The following ANKRD13B variants were observed in gnomAD, a reference collection of about 807,000 sequenced individuals.
ANKRD13B encodes the protein ankyrin repeat domain 13B.
A neutral mutation model predicts 74.4 loss-of-function variants in ANKRD13B; 33 were observed. The ratio of observed to expected loss-of-function variants is 0.44; its 90% CI spans 0.34 to 0.59. ANKRD13B has a LOEUF of 0.59. Among genes scored for constraint, ANKRD13B ranks in the 20% least tolerant of loss-of-function variants. The pLI is 0.02. For synonymous variants in ANKRD13B, 341 were observed against 362.9 expected, an observed-to-expected ratio of 0.94 and a Z score of 0.68; for missense variants, 676 against 877.9, an observed-to-expected ratio of 0.77 and a Z score of 2.91.
intron 1 of ANKRD13B, among the ~76,000 whole-genome samples, chr17:29,597,226 G>A (rs573739221): frequency 1.2e-4 from 18 of 152,318 alleles, no homozygotes; most frequent in African/African-American, 4.1e-4. Flanking sequence ...TTCTGCTCAT[G>A]CTAAAGGAGT....
At chr17:29,606,841 G>T (rs2034404074) in intron 1 of ANKRD13B, among the ~76,000 whole-genome samples, 1 of 151,642 alleles carries the variant, frequency 6.6e-6, no homozygotes, top group South Asian at 2.1e-4. Context: ...CTGAGGTCAG[G>T]AGTTCAAGAC....
rs780912450 is a variant in ANKRD13B, at chr17:29,612,362, G to A, written c.1259-40G>A. On this transcript the variant is annotated intron_variant, in intron 11 of 14. Coordinates refer to ENST00000394859, the MANE Select transcript of ANKRD13B (RefSeq NM_152345.5). The surrounding 1 kb of genome is among the most constrained non-coding windows in gnomAD (Gnocchi z 6.1). ...GGGTGGGGCTGAGGCTGAGGTGTGA[G>A]GGGCTGAGTGGTGGCGCCTAAAGGT... 12 of 1,611,678 alleles carry A rather than the reference G, an allele frequency of 7.4e-6. No individual in the cohort carries two copies. Among genetic ancestry groups the A allele is most frequent in the Non-Finnish European group, 9.3e-6 (11 of 1,178,216 alleles).
In ANKRD13B at chr17:29,607,966, C is replaced by T. The variant is rs776074565; in HGVS notation, c.251-20C>T. On this transcript the variant is annotated intron_variant, in intron 2 of 14. Coordinates refer to ENST00000394859, the MANE Select transcript of ANKRD13B (RefSeq NM_152345.5). ...TGGCTGAAGGGTCCTGCCCTGTGAC[C>T]TTGCCTCGCCCTCCCCCAGTGCTCC... 6.3e-7 allele frequency: 1 copy of T among 1,595,214 alleles called. No homozygotes were observed. The highest frequency in any genetic ancestry group is 8.5e-7 in the Non-Finnish European group (1 of 1,169,624).
intron 1 of ANKRD13B, among the ~76,000 whole-genome samples, chr17:29,599,865 G>GTT (rs35600194): frequency 0.18 from 8,895 of 50,546 alleles, 3,429 homozygotes; most frequent in Non-Finnish European, 0.21. Context: ...CATCTAATTT[G>GTT]TTTTTTTTTT....
In ANKRD13B at chr17:29,613,619, C is replaced by T. The variant is rs1354134461; in HGVS notation, c.*37C>T. The T allele has an allele frequency of 2.9e-6, 4 of 1,397,260 alleles. No individual in the cohort carries two copies. Among genetic ancestry groups the T allele is most frequent in the Non-Finnish European group, 3.7e-6 (4 of 1,076,224 alleles). 86.6% of individuals were successfully genotyped at this position (1,397,260 alleles called of 1,614,324 possible). A position where few individuals can be genotyped will look rare whatever the true frequency, so the allele number is the denominator to read the frequency against. On this transcript the variant is annotated 3_prime_UTR_variant, in exon 15 of 15. Coordinates refer to ENST00000394859, the MANE Select transcript of ANKRD13B (RefSeq NM_152345.5). ...GGGACCCTCGCCAGCGCCACGCGCG[C>T]CACGCCCAGGGCCAGGAGCCAGACA... is the stretch of plus-strand genomic sequence containing the variant.
At chr17:29,596,661 C>A (rs1000751389) in intron 1 of ANKRD13B, among the ~76,000 whole-genome samples, 1 of 152,212 alleles carries the variant, frequency 6.6e-6, no homozygotes, top group Non-Finnish European at 1.5e-5. Flanking sequence ...CGTTCTCCAC[C>A]GTGGGCTTGC....
At chr17:29,606,751 A>G (rs1033764288) in intron 1 of ANKRD13B, among the ~76,000 whole-genome samples, 204 of 150,814 alleles carry the variant, frequency 1.4e-3, no homozygotes, top group African/African-American at 4.8e-3. Context: ...AAAAAAAAAA[A>G]AAAAAAAAAT....
At chr17:29,598,532 C>T (rs1452392562) in intron 1 of ANKRD13B, among the ~76,000 whole-genome samples, 1 of 126,530 alleles carries the variant, frequency 7.9e-6, no homozygotes. Context: ...CCCTCCCTTT[C>T]TCTTTCTTTC....
In ANKRD13B at chr17:29,610,743, A is replaced by G. The variant is rs756604431; in HGVS notation, c.881A>G (p.Glu294Gly). 9 of 1,613,920 alleles carry G rather than the reference A, an allele frequency of 5.6e-6. No individual in the cohort carries two copies. The East Asian group carries it at 8.9e-5, about 16-fold the overall frequency. ...CGCACACGGACAGAACATCTTTCAG[A>G]ACAGCACAAGGGCAAGGTCAAAGGT... is the stretch of plus-strand genomic sequence containing the variant. ...ITRTRTEHLSEQHKGKVKGCK... is the reference protein window; with the variant it reads ...ITRTRTEHLSGQHKGKVKGCK... The change falls in exon 8 of 15, where the codon GAA becomes GGA. Residue 294 changes from glutamate (E) to glycine (G), a missense_variant. Physicochemically the swap from Glu to Gly is moderately conservative, Grantham distance 98. Coordinates refer to ENST00000394859, the MANE Select transcript of ANKRD13B (RefSeq NM_152345.5).
At chr17:29,598,087 C>T (rs753095723) in intron 1 of ANKRD13B, among the ~76,000 whole-genome samples, 6 of 152,134 alleles carry the variant, frequency 3.9e-5, no homozygotes, top group Non-Finnish European at 7.4e-5. Flanking sequence ...CTCCCGCTGC[C>T]GGGCTCAGGA....
chr17:29,606,788 C>G (rs2034400736), intron 1 of ANKRD13B, among the ~76,000 whole-genome samples: 2 of 148,476 alleles, frequency 1.3e-5, no homozygotes, highest in Non-Finnish European at 3.0e-5. Flanking sequence ...GCGGCTCACA[C>G]CTGTAATCCC....
At chr17:29,594,849 C>A (rs180720298) in intron 1 of ANKRD13B, among the ~76,000 whole-genome samples, 104 of 152,326 alleles carry the variant, frequency 6.8e-4, no homozygotes, top group African/African-American at 2.3e-3. Context: ...GCTGTGCAAT[C>A]GCCAAGGGAA....
intron 1 of ANKRD13B, among the ~76,000 whole-genome samples, chr17:29,595,913 A>C (rs2033937400): frequency 6.6e-6 from 1 of 152,084 alleles, no homozygotes; most frequent in African/African-American, 2.4e-5. Context: ...TTGTATCCAG[A>C]TGTACACTGC....
rs939079037 is a variant in ANKRD13B at position 29,593,479 on chromosome 17, C to T, written c.-143C>T. On this transcript the variant is annotated 5_prime_UTR_variant, in exon 1 of 15. Transcript: ENST00000394859. ...CGCACCGCGCCGGGCGCGCCGCCCC[C>T]GCCCGCCGCCGCTCGCACATGCCCG... The T allele has an allele frequency of 2.1e-5, 4 of 193,402 alleles. No individual in the cohort carries two copies. Among genetic ancestry groups the T allele is most frequent in the Admixed American group, 6.8e-5 (1 of 14,728 alleles). The allele number at this position is 193,402 out of a possible 1,614,324, so 12.0% of individuals were successfully genotyped here. A position where few individuals can be genotyped will look rare whatever the true frequency, so the allele number is the denominator to read the frequency against.
At position 29,593,302 on chromosome 17, in the gene ANKRD13B, C is replaced by A. The variant is rs894986734; in HGVS notation, c.-320C>A. Among the ~76,000 whole-genome samples the A allele has an allele frequency of 3.4e-5, 5 of 148,218 alleles. No homozygotes were observed. Among genetic ancestry groups the A allele is most frequent in the Non-Finnish European group, 6.0e-5 (4 of 66,468 alleles). On this transcript the variant is annotated 5_prime_UTR_variant, in exon 1 of 15. Coordinates refer to ENST00000394859, the MANE Select transcript of ANKRD13B (RefSeq NM_152345.5). The stretch of plus-strand genomic sequence containing the variant: ...GCCCGCTGCGGGCGCCTGCTCCCTC[C>A]GCCGAGCGGCGTCTTTGTGTGCGGG...
rs2034755265 is a variant in ANKRD13B at position 29,614,739 on chromosome 17, A to G, written c.*1157A>G. 6.6e-6 allele frequency: 1 copy of G among 152,582 alleles called. No homozygotes were observed. The highest frequency in any genetic ancestry group is 1.5e-5 in the Non-Finnish European group (1 of 68,070). 9.5% of individuals were successfully genotyped at this position (152,582 alleles called of 1,614,324 possible). Reference sequence around the variant, plus strand: ...GGCACCAGACTGATTCTGAGGCACAAATAAAAGAGGCTTCATACCGGAGGC... The same window carrying G: ...GGCACCAGACTGATTCTGAGGCACAGATAAAAGAGGCTTCATACCGGAGGC... On this transcript the variant is annotated 3_prime_UTR_variant, in exon 15 of 15. Coordinates refer to ENST00000394859, the MANE Select transcript of ANKRD13B (RefSeq NM_152345.5).
At chr17:29,594,513 GGGATGTCTTCTGGCCATGCTTCA>G (rs1391893532) in intron 1 of ANKRD13B, among the ~76,000 whole-genome samples, 16 of 152,318 alleles carry the variant, frequency 1.1e-4, no homozygotes, top group Non-Finnish European at 1.9e-4. Flanking sequence ...AGGGGAAGGG[GGGATGTCTTCTGGCCATGCTTCA>G]GGATGTCTTC....
rs569937779 is a variant in ANKRD13B, at chr17:29,609,370, C to T, written c.771C>T (p.Ile257=). ...NISFERNKTG[I]LGWRSEKTEM... ...GCTTCCCCAGGAACAAGACTGGCAT[C>T]CTGGGCTGGCGCAGTGAAAAGACGG... The change falls in exon 7 of 15, where the codon ATC becomes ATT. Residue 257 remains isoleucine (I), a synonymous_variant. Coordinates refer to ENST00000394859, the MANE Select transcript of ANKRD13B (RefSeq NM_152345.5). The surrounding 1 kb of genome is among the most constrained non-coding windows in gnomAD (Gnocchi z 4.0). 13 of 1,613,524 alleles carry T rather than the reference C, an allele frequency of 8.1e-6. No homozygotes were observed. In the South Asian group the frequency reaches 1.1e-4, roughly 14 times the overall value.
chr17:29,599,874 T>TTG (rs995273313), intron 1 of ANKRD13B, among the ~76,000 whole-genome samples: 2 of 116,818 alleles, frequency 1.7e-5, no homozygotes, highest in Admixed American at 8.2e-5. Context: ...TGTTTTTTTT[T>TTG]TTTTTTTTTT....
Sources: gnomAD v4.1 joint callset for allele counts (sites outside exome capture counted in the v4.1 genomes callset) on GRCh38, gnomAD v4.1.1 for gene constraint, Gnocchi (gnomAD v3.1) non-coding constraint, MANE v1.5 for transcripts, NCBI Gene and HGNC (gene_info 2026-07-23, HGNC 2026-07-21) for gene names.